COL4A2: variants seen among roughly 807,000 people sequenced by gnomAD.
The protein encoded by COL4A2 is collagen type IV alpha 2 chain.
In COL4A2, 99 loss-of-function variants were observed where a neutral mutation model predicts 200.2. That is an observed-to-expected ratio of 0.49 (90% confidence interval 0.42 to 0.58). The LOEUF (loss-of-function observed/expected upper bound fraction) is 0.58, where lower values mean the gene tolerates loss of function less well. COL4A2 is among the 20% of genes least tolerant of loss of function. The pLI, the probability that COL4A2 is intolerant of heterozygous loss-of-function variation, is 0.00. For synonymous variants in COL4A2, 897 were observed against 900.6 expected (o/e 1.00, Z 0.07); for missense variants, 1,950 against 2,314.1 (o/e 0.84, Z 3.23).
intron 29 of COL4A2, among the ~76,000 whole-genome samples, chr13:110,476,269 A>G (rs945955230): frequency 6.6e-6 from 1 of 152,138 alleles, no homozygotes; most frequent in African/African-American, 2.4e-5. Context: ...ACTCTTCACA[A>G]CCATTAGCAC....
chr13:110,416,742 T>TA (rs1422467120), intron 4 of COL4A2, among the ~76,000 whole-genome samples: 4 of 152,234 alleles, frequency 2.6e-5, no homozygotes, highest in Non-Finnish European at 5.9e-5. Flanking sequence ...TTATAGGTGG[T>TA]ACCTTCTGGG....
chr13:110,319,358 T>C (rs554248439), intron 3 of COL4A2, among the ~76,000 whole-genome samples: 12 of 152,218 alleles, frequency 7.9e-5, no homozygotes, highest in Admixed American at 2.6e-4. Flanking sequence ...GAAACACTTA[T>C]AAACAAAGAA....
chr13:110,447,344 A>G (rs1289918391), intron 18 of COL4A2, among the ~76,000 whole-genome samples: 3 of 152,210 alleles, frequency 2.0e-5, no homozygotes, highest in Non-Finnish European at 4.4e-5. Context: ...TCAGGCTTCA[A>G]GGCAACTAAA....
intron 18 of COL4A2, among the ~76,000 whole-genome samples, chr13:110,448,453 T>C (rs1881410280): frequency 6.6e-6 from 1 of 152,122 alleles, no homozygotes; most frequent in Non-Finnish European, 1.5e-5. Context: ...TCCCGAGTTA[T>C]TGGTGAGCTG....
intron 28 of COL4A2, among the ~76,000 whole-genome samples, chr13:110,472,029 C>A (rs1281567870): frequency 4.6e-5 from 7 of 152,106 alleles, no homozygotes; most frequent in Non-Finnish European, 1.0e-4. Context: ...CTGATGAGAT[C>A]ATTTTATCCA....
intron 4 of COL4A2, among the ~76,000 whole-genome samples, chr13:110,417,604 G>T (rs1276268211): frequency 6.6e-6 from 1 of 152,118 alleles, no homozygotes; most frequent in Non-Finnish European, 1.5e-5. Flanking sequence ...CTTTCCTTGT[G>T]CCCTCTCAGT....
At chr13:110,490,283 C>A (rs1430804896) in intron 36 of COL4A2, among the ~76,000 whole-genome samples, 2 of 152,228 alleles carry the variant, frequency 1.3e-5, no homozygotes, top group Non-Finnish European at 2.9e-5. Flanking sequence ...TTCTGCACAT[C>A]ACTGAGGTTC....
At chr13:110,322,775 C>T (rs563135189) in intron 3 of COL4A2, among the ~76,000 whole-genome samples, 11 of 152,222 alleles carry the variant, frequency 7.2e-5, no homozygotes, top group Admixed American at 2.6e-4. Context: ...TTATTCATCA[C>T]CAGGTCCTCC....
At chr13:110,421,206 C>T (rs778601452) in intron 4 of COL4A2, among the ~76,000 whole-genome samples, 8 of 152,282 alleles carry the variant, frequency 5.3e-5, no homozygotes, top group Middle Eastern at 3.4e-3. Flanking sequence ...ATGTGATACT[C>T]GTGCACACAT....
intron 4 of COL4A2, among the ~76,000 whole-genome samples, chr13:110,377,383 T>C (rs1396543476): frequency 6.6e-6 from 1 of 152,196 alleles, no homozygotes; most frequent in Non-Finnish European, 1.5e-5. Context: ...TCCTGCCTGG[T>C]CACTCTCCTG....
chr13:110,495,832 C>T (rs1883436582), intron 40 of COL4A2, among the ~76,000 whole-genome samples: 1 of 152,186 alleles, frequency 6.6e-6, no homozygotes, highest in African/African-American at 2.4e-5. Context: ...CTAGCAGAGC[C>T]ACGCTGACCC....
intron 4 of COL4A2, among the ~76,000 whole-genome samples, chr13:110,409,083 C>T (rs1004801735): frequency 3.7e-5 from 5 of 136,722 alleles, no homozygotes; most frequent in African/African-American, 1.4e-4. Flanking sequence ...CACACATGCA[C>T]ATATATACAC....
rs1433079130 is a variant in COL4A2 at position 110,450,316 on chromosome 13, G to A, written c.1201G>A (p.Gly401Ser). ...LSIGDGDQRR[G>S]LPGEMGPKGF... is the part of the protein sequence containing the mutation. ...CTGTTTGGTTTCAGATCAGAGGAGAGGCCTGCCGGGTGAGATGGGACCCAA... is the reference window on the plus strand; with the variant it reads ...CTGTTTGGTTTCAGATCAGAGGAGAAGCCTGCCGGGTGAGATGGGACCCAA... Residue 401 changes from glycine to serine, a missense_variant, in exon 20 of 48, where the codon GGC (glycine) becomes AGC (serine). Physicochemically the swap from Gly to Ser is moderately conservative, Grantham distance 56. Coordinates refer to ENST00000360467, the MANE Select transcript of COL4A2 (RefSeq NM_001846.4). 1 of 1,613,842 alleles carries A rather than the reference G, an allele frequency of 6.2e-7. No homozygotes were observed.
At chr13:110,334,027 C>A (rs1190286011) in intron 3 of COL4A2, among the ~76,000 whole-genome samples, 2 of 152,230 alleles carry the variant, frequency 1.3e-5, no homozygotes, top group African/African-American at 4.8e-5. Context: ...CCCCATGCTC[C>A]TGCTGAGTTC....
At chr13:110,330,921 T>A (rs1190344480) in intron 3 of COL4A2, among the ~76,000 whole-genome samples, 1 of 152,138 alleles carries the variant, frequency 6.6e-6, no homozygotes, top group African/African-American at 2.4e-5. Flanking sequence ...CTGGGGAGCC[T>A]TCCCCACCAC....
rs1884803378 is a variant in COL4A2 at position 110,307,412 on chromosome 13, C to G, written c.-161C>G. 8 of 207,604 alleles carry G rather than the reference C, an allele frequency of 3.9e-5. No homozygotes were observed. In the South Asian group the frequency reaches 1.5e-3, roughly 38 times the overall value. 12.9% of individuals were successfully genotyped at this position (207,604 alleles called of 1,614,324 possible). A position where few individuals can be genotyped will look rare whatever the true frequency, so the allele number is the denominator to read the frequency against. ...AGGACCGAAAGGGGCCGCCCGAGCC[C>G]CCGGGGCCGGCGCCCAGAGAGCCCA... On this transcript the variant is annotated 5_prime_UTR_variant, in exon 1 of 48. Transcript: ENST00000360467. This position sits in a 1 kb window ranked among gnomAD's most constrained non-coding sequence, Gnocchi z 5.0.
intron 3 of COL4A2, among the ~76,000 whole-genome samples, chr13:110,345,080 A>G (rs1876637010): frequency 6.6e-6 from 1 of 152,172 alleles, no homozygotes; most frequent in South Asian, 2.1e-4. Context: ...TGTTCTTAAA[A>G]AGAATGAGTG....
At chr13:110,454,154 G>A (rs7983809) in intron 20 of COL4A2, among the ~76,000 whole-genome samples, 2 of 152,186 alleles carry the variant, frequency 1.3e-5, no homozygotes, top group African/African-American at 4.8e-5. Flanking sequence ...TCTGTTCCAC[G>A]TAGAAAAAGT....
At chr13:110,367,981 A>C (rs1202550813) in intron 4 of COL4A2, among the ~76,000 whole-genome samples, 1 of 152,204 alleles carries the variant, frequency 6.6e-6, no homozygotes, top group East Asian at 1.9e-4. Context: ...ATTCAAGCAA[A>C]ACTCTGAAAC....
Sources: gnomAD v4.1 joint callset for allele counts (sites outside exome capture counted in the v4.1 genomes callset) on GRCh38, gnomAD v4.1.1 for gene constraint, Gnocchi (gnomAD v3.1) non-coding constraint, MANE v1.5 for transcripts, NCBI Gene and HGNC (gene_info 2026-07-23, HGNC 2026-07-21) for gene names.